The following SLC51B variants were observed in gnomAD, a reference collection of about 807,000 sequenced individuals.
SLC51B encodes SLC51 subunit beta.
In SLC51B, 6 loss-of-function variants were observed where a neutral mutation model predicts 8.0. The observed-to-expected ratio is 0.75, with a 90% CI of 0.41 to 1.48. The LOEUF is 1.48. Among genes scored for constraint, SLC51B ranks in the 40% most tolerant of loss-of-function variants. The probability of loss-of-function intolerance (pLI) is 0.01; values close to 1 mark genes in which losing one functional copy is unlikely to be tolerated. For synonymous variants in SLC51B, 61 were observed against 54.8 expected (o/e 1.11, Z -0.50); for missense variants, 150 against 149.7 (o/e 1.00, Z -0.01).
chr15:65,050,028 C>T lies in SLC51B; in HGVS notation c.24C>T (p.Pro8=). The T allele has an allele frequency of 6.4e-7, 1 of 1,551,434 alleles. No homozygotes were observed. Among genetic ancestry groups the T allele is most frequent in the African/African-American group, 1.4e-5 (1 of 73,144 alleles). Residue 8 remains proline (P), a synonymous_variant, in exon 2 of 4, where the codon CCC becomes CCT. Coordinates refer to ENST00000334287, the MANE Select transcript of SLC51B (RefSeq NM_178859.4). The stretch of plus-strand genomic sequence containing the variant: ...GCATGGAGCACAGTGAGGGGGCTCC[C>T]GGAGACCCAGCCGGTACTGTGGTAC... The part of the protein sequence containing the change: MEHSEGA[P]GDPAGTVVPQ...
intron 3 of SLC51B, 151 bp from the exon 4 acceptor site, chr15:65,052,815 T>C (rs1239774254): frequency 1.5e-6 from 1 of 662,724 alleles, no homozygotes; most frequent in African/African-American, 1.8e-5. Context: ...ATTTCTCTGT[T>C]GAAGGAATAT....
intron 2 of SLC51B, among the ~76,000 whole-genome samples, chr15:65,050,833 CTTCTT>C (rs1405262692): frequency 1.0e-4 from 9 of 88,600 alleles, no homozygotes; most frequent in East Asian, 3.9e-4. Flanking sequence ...TCTTCTTCTT[CTTCTT>C]TTTTTTTTTT....
Position 65,053,347 on chromosome 15 carries a change from A to G in SLC51B, c.*183A>G. 7.1e-7 allele frequency: 1 copy of G among 1,411,584 alleles called. No homozygotes were observed. The highest frequency in any genetic ancestry group is 9.2e-7 in the Non-Finnish European group (1 of 1,090,090). The allele number at this position is 1,411,584 out of a possible 1,614,324, so 87.4% of individuals were successfully genotyped here. A position where few individuals can be genotyped will look rare whatever the true frequency, so the allele number is the denominator to read the frequency against. ...GCAAGCAAACTAAAATTCTGTTATTAAAAAAAATCTTTTATTAAAATGCTC... is the reference window on the plus strand; with the variant it reads ...GCAAGCAAACTAAAATTCTGTTATTGAAAAAAATCTTTTATTAAAATGCTC... On this transcript the variant is annotated 3_prime_UTR_variant, in exon 4 of 4. Coordinates refer to ENST00000334287, the MANE Select transcript of SLC51B (RefSeq NM_178859.4).
At chr15:65,047,637 T>A (rs1440564515) in intron 1 of SLC51B, among the ~76,000 whole-genome samples, 1 of 152,208 alleles carries the variant, frequency 6.6e-6, no homozygotes, top group Admixed American at 6.5e-5. Context: ...CATCTGAGAC[T>A]GGATGGAATG....
Position 65,049,914 on chromosome 15 carries a change from C to T in SLC51B, c.-91C>T. 1.1e-6 allele frequency: 1 copy of T among 938,826 alleles called. No homozygotes were observed. Among genetic ancestry groups the T allele is most frequent in the Non-Finnish European group, 1.6e-6 (1 of 642,072 alleles). The allele number at this position is 938,826 out of a possible 1,614,324, so 58.2% of individuals were successfully genotyped here. On this transcript the variant is annotated 5_prime_UTR_variant, in exon 2 of 4. Transcript: ENST00000334287. ...GTTTCCAGGGGTCTTCACGGCTTCT[C>T]TGCCCAGGGGCCAGAACCGAGGAGG...
intron 1 of SLC51B, among the ~76,000 whole-genome samples, chr15:65,047,406 A>G (rs529803945): frequency 1.9e-4 from 29 of 152,214 alleles, no homozygotes; most frequent in Non-Finnish European, 3.8e-4. Context: ...TAAAAATGGA[A>G]TTACATGTAT....
At chr15:65,047,258 C>A (rs918344631) in intron 1 of SLC51B, among the ~76,000 whole-genome samples, 1 of 151,730 alleles carries the variant, frequency 6.6e-6, no homozygotes, top group Non-Finnish European at 1.5e-5. Flanking sequence ...ATTTCTTGAA[C>A]CTGGGAGGCG....
chr15:65,051,876 A>G (rs2086658177), intron 3 of SLC51B, among the ~76,000 whole-genome samples: 1 of 152,200 alleles, frequency 6.6e-6, no homozygotes, highest in South Asian at 2.1e-4. Context: ...TCAGAAGGCG[A>G]GCTTGCCCCT....
rs1269025861 is a variant in SLC51B at position 65,045,549 on chromosome 15, GA to G, written c.-141del. 9.8e-5 allele frequency: 15 copies of G among 152,436 alleles called. No homozygotes were observed. Among genetic ancestry groups the G allele is most frequent in the African/African-American group, 3.6e-4 (15 of 41,600 alleles). 9.4% of individuals were successfully genotyped at this position (152,436 alleles called of 1,614,324 possible). A position where few individuals can be genotyped will look rare whatever the true frequency, so the allele number is the denominator to read the frequency against. ...GAAATCGGTGCTGCTCCCAACAGCA[GA>G]TCAAGGCAGTCGTCAGGAACTCAGG... On this transcript the variant is annotated 5_prime_UTR_variant, in exon 1 of 4. Coordinates refer to ENST00000334287, the MANE Select transcript of SLC51B (RefSeq NM_178859.4).
At chr15:65,047,980 A>C (rs1017796145) in intron 1 of SLC51B, among the ~76,000 whole-genome samples, 1 of 152,054 alleles carries the variant, frequency 6.6e-6, no homozygotes. Context: ...CGAGTTCAAG[A>C]CCAGCCTGGG....
intron 1 of SLC51B, among the ~76,000 whole-genome samples, chr15:65,047,769 G>A (rs538369748): frequency 7.4e-5 from 11 of 148,864 alleles, no homozygotes; most frequent in Non-Finnish European, 1.6e-4. Flanking sequence ...TAGGCAGATA[G>A]ATAGATAGAC....
Position 65,053,174 on chromosome 15 carries a change from A to T in SLC51B, c.*10A>T. ...AGAAACTGAGAGCTAGTGAGGGTTC[A>T]GAGAAGCCCCATCCTAAGCCAGACA... On this transcript the variant is annotated 3_prime_UTR_variant, in exon 4 of 4. Coordinates refer to ENST00000334287, the MANE Select transcript of SLC51B (RefSeq NM_178859.4). The T allele has an allele frequency of 6.2e-7, 1 of 1,613,476 alleles. No individual in the cohort carries two copies. The highest frequency in any genetic ancestry group is 8.5e-7 in the Non-Finnish European group (1 of 1,180,010).
rs558979499 is a variant in SLC51B, at chr15:65,053,356, C to T, written c.*192C>T. ...CTAAAATTCTGTTATTAAAAAAAAT[C>T]TTTTATTAAAATGCTCCTGGAAGGG... On this transcript the variant is annotated 3_prime_UTR_variant, in exon 4 of 4. Coordinates refer to ENST00000334287, the MANE Select transcript of SLC51B (RefSeq NM_178859.4). 6.7e-5 allele frequency: 94 copies of T among 1,410,184 alleles called. No homozygotes were observed. Among genetic ancestry groups the T allele is most frequent in the Non-Finnish European group, 7.6e-5 (83 of 1,089,806 alleles). The allele number at this position is 1,410,184 out of a possible 1,614,324, so 87.4% of individuals were successfully genotyped here.
chr15:65,053,185 A>C lies in SLC51B; in HGVS notation c.*21A>C. The C allele has an allele frequency of 6.2e-7, 1 of 1,612,456 alleles. No individual in the cohort carries two copies. Among genetic ancestry groups the C allele is most frequent in the Non-Finnish European group, 8.5e-7 (1 of 1,179,778 alleles). ...GCTAGTGAGGGTTCAGAGAAGCCCC[A>C]TCCTAAGCCAGACACATGATGTGGG... On this transcript the variant is annotated 3_prime_UTR_variant, in exon 4 of 4. Coordinates refer to ENST00000334287, the MANE Select transcript of SLC51B (RefSeq NM_178859.4).
In SLC51B at chr15:65,050,093, T is replaced by C; in HGVS notation, c.89T>C (p.Val30Ala). The C allele has an allele frequency of 6.4e-7, 1 of 1,551,398 alleles. No homozygotes were observed. Among genetic ancestry groups the C allele is most frequent in the Non-Finnish European group, 8.7e-7 (1 of 1,146,792 alleles). The stretch of plus-strand genomic sequence containing the variant: ...GAAGAGATGCTTTGGTTTTTTCGTG[T>C]GGAAGATGGTAAGTGGTGAGAGATT... ...LLEEMLWFFR[V>A]EDASPWNHSI... Residue 30 changes from valine (V) to alanine (A), a missense_variant, in exon 2 of 4, where the codon GTG (valine) becomes GCG (alanine). Physicochemically the swap from Val to Ala is moderately conservative, Grantham distance 64 (BLOSUM62 0). Transcript: ENST00000334287.
intron 1 of SLC51B, chr15:65,049,483 G>A (rs1322396446): frequency 6.6e-6 from 1 of 152,220 alleles, no homozygotes; most frequent in Non-Finnish European, 1.5e-5. Context: ...AGGCGTGATA[G>A]GCCCAGCCTT....
chr15:65,048,923 T>A (rs773922247), intron 1 of SLC51B, among the ~76,000 whole-genome samples: 13 of 149,502 alleles, frequency 8.7e-5, no homozygotes, highest in Non-Finnish European at 1.5e-4. Flanking sequence ...GACAGGAGAA[T>A]CGCTTGAACC....
intron 1 of SLC51B, chr15:65,049,669 A>G (rs2140505866): frequency 5.7e-6 from 1 of 174,838 alleles, no homozygotes; most frequent in South Asian, 1.7e-4. Flanking sequence ...CCAGTGGCTC[A>G]GTCCTCCTCA....
At chr15:65,047,738 C>A (rs1350990916) in intron 1 of SLC51B, among the ~76,000 whole-genome samples, 1 of 151,988 alleles carries the variant, frequency 6.6e-6, no homozygotes, top group Admixed American at 6.6e-5. Context: ...CTTTGTCTTT[C>A]CATGATTTTA....
Sources: allele counts gnomAD v4.1 joint callset (sites outside exome capture counted in the v4.1 genomes callset), GRCh38; gene constraint gnomAD v4.1.1; transcripts MANE v1.5; gene names NCBI Gene and HGNC (gene_info 2026-07-23, HGNC 2026-07-21).